RALGPS2: variants seen among roughly 807,000 people sequenced by gnomAD.
RALGPS2 encodes ras-specific guanine nucleotide-releasing factor RalGPS2.
A neutral mutation model predicts 86.8 loss-of-function variants in RALGPS2; 43 were observed. The observed-to-expected ratio is 0.50, with a 90% CI of 0.39 to 0.64. The LOEUF (loss-of-function observed/expected upper bound fraction) is 0.64. Among genes scored for constraint, RALGPS2 ranks in the 30% least tolerant of loss-of-function variants. The pLI, the probability that RALGPS2 is intolerant of heterozygous loss-of-function variation, is 0.00. For synonymous variants in RALGPS2, 243 were observed against 231.3 expected, an observed-to-expected ratio of 1.05 and a Z score of -0.46; for missense variants, 536 against 694.6, an observed-to-expected ratio of 0.77 and a Z score of 2.57.
intron 1 of RALGPS2, among the ~76,000 whole-genome samples, chr1:178,737,221 A>T (rs1228063154): frequency 6.6e-6 from 1 of 152,156 alleles, no homozygotes; most frequent in Non-Finnish European, 1.5e-5. Context: ...CTAAGAATTG[A>T]TGAAATACAT....
intron 1 of RALGPS2, among the ~76,000 whole-genome samples, chr1:178,729,097 G>GA (rs1390038458): frequency 1.3e-4 from 20 of 152,114 alleles, no homozygotes; most frequent in Admixed American, 1.2e-3. Context: ...TGAAAGACTT[G>GA]AATCTCTCAT....
rs144307084 is a variant in RALGPS2, at chr1:178,903,170, A to G, written c.1630+959A>G. Among the ~76,000 whole-genome samples the G allele has an allele frequency of 6.0e-3, 919 of 152,260 alleles. 10 individuals are homozygous for G. The highest frequency in any genetic ancestry group is 0.021 in the African/African-American group (875 of 41,568). On this transcript the variant is annotated intron_variant, in intron 18 of 19. Coordinates refer to ENST00000367635, the MANE Select transcript of RALGPS2 (RefSeq NM_152663.5). The stretch of plus-strand genomic sequence containing the variant: ...TACTATGTTACCTTTTATTGACTTC[A>G]CAACTATATTTTGACCTCTGTTTAT...
At chr1:178,845,758 T>C (rs1656837519) in intron 8 of RALGPS2, among the ~76,000 whole-genome samples, 1 of 152,216 alleles carries the variant, frequency 6.6e-6, no homozygotes, top group Admixed American at 6.5e-5. Context: ...CTGTGCTTGG[T>C]GCTAAATATA....
intron 1 of RALGPS2, among the ~76,000 whole-genome samples, chr1:178,735,244 AAG>A (rs1202886386): frequency 2.0e-5 from 3 of 152,140 alleles, no homozygotes; most frequent in Non-Finnish European, 4.4e-5. Context: ...CCAGACACAA[AAG>A]AGTACGTACT....
At chr1:178,730,972 A>G (rs1166342798) in intron 1 of RALGPS2, among the ~76,000 whole-genome samples, 1 of 152,176 alleles carries the variant, frequency 6.6e-6, no homozygotes. Flanking sequence ...TGCTGGGATT[A>G]TAGGCGTGAG....
intron 1 of RALGPS2, among the ~76,000 whole-genome samples, chr1:178,731,894 G>A (rs1164543692): frequency 1.3e-5 from 2 of 152,082 alleles, no homozygotes; most frequent in African/African-American, 2.4e-5. Context: ...ACTCAGCTTT[G>A]CTGTTGTCTA....
At chr1:178,760,979 C>A (rs977866730) in intron 1 of RALGPS2, among the ~76,000 whole-genome samples, 5 of 138,096 alleles carry the variant, frequency 3.6e-5, no homozygotes, top group African/African-American at 1.3e-4. Flanking sequence ...AGACTTTATT[C>A]TTTTTTTTTT....
At chr1:178,849,135 T>C (rs1385815822) in intron 8 of RALGPS2, among the ~76,000 whole-genome samples, 1 of 152,234 alleles carries the variant, frequency 6.6e-6, no homozygotes, top group African/African-American at 2.4e-5. Context: ...GATATTCTTA[T>C]TATACCCCAT....
chr1:178,892,606 G>C (rs1336236263), intron 15 of RALGPS2, among the ~76,000 whole-genome samples: 8 of 151,974 alleles, frequency 5.3e-5, no homozygotes, highest in Admixed American at 5.3e-4. Flanking sequence ...GTTTTTGAAT[G>C]AACAATATAA....
intron 4 of RALGPS2, among the ~76,000 whole-genome samples, chr1:178,804,435 A>C (rs1314878245): frequency 9.0e-5 from 7 of 77,982 alleles, no homozygotes; most frequent in South Asian, 5.1e-4. Flanking sequence ...CCCTCCCCCC[A>C]CCCCACAACA....
chr1:178,890,738 T>A (rs1305875239), intron 14 of RALGPS2, among the ~76,000 whole-genome samples: 1 of 152,014 alleles, frequency 6.6e-6, no homozygotes, highest in Non-Finnish European at 1.5e-5. Flanking sequence ...GTACTTTTGA[T>A]CCTTTCTACT....
intron 1 of RALGPS2, among the ~76,000 whole-genome samples, chr1:178,746,275 G>A (rs1349970702): frequency 1.3e-5 from 2 of 152,146 alleles, no homozygotes; most frequent in Non-Finnish European, 2.9e-5. Flanking sequence ...CAAAATATTT[G>A]ATAGATACCT....
chr1:178,786,096 C>G (rs1488858103), intron 4 of RALGPS2, among the ~76,000 whole-genome samples: 1 of 152,056 alleles, frequency 6.6e-6, no homozygotes, highest in Non-Finnish European at 1.5e-5. Context: ...AGGTCTTTAT[C>G]CTCATTAGCC....
At chr1:178,786,236 A>C (rs1184909572) in intron 4 of RALGPS2, among the ~76,000 whole-genome samples, 1 of 151,974 alleles carries the variant, frequency 6.6e-6, no homozygotes, top group African/African-American at 2.4e-5. Flanking sequence ...AATCATTTTG[A>C]TTGATTTGGC....
At chr1:178,764,480 C>T (rs566644166) in intron 1 of RALGPS2, among the ~76,000 whole-genome samples, 2 of 152,176 alleles carry the variant, frequency 1.3e-5, no homozygotes, top group African/African-American at 2.4e-5. Flanking sequence ...GTAAGTATTG[C>T]GATGTGTGGA....
At chr1:178,865,957 T>C (rs1405510801) in intron 8 of RALGPS2, among the ~76,000 whole-genome samples, 4 of 152,202 alleles carry the variant, frequency 2.6e-5, no homozygotes, top group African/African-American at 7.2e-5. Context: ...ATTTCTTAAA[T>C]TTAATATTAA....
intron 19 of RALGPS2, among the ~76,000 whole-genome samples, chr1:178,913,157 C>CTG (rs1361017044): frequency 2.0e-5 from 3 of 152,070 alleles, no homozygotes; most frequent in African/African-American, 7.2e-5. Flanking sequence ...TGGTGCATAC[C>CTG]TGTAGTCCCA....
intron 17 of RALGPS2, among the ~76,000 whole-genome samples, chr1:178,900,436 A>G (rs1211719025): frequency 6.6e-6 from 1 of 151,872 alleles, no homozygotes; most frequent in African/African-American, 2.4e-5. Context: ...ATATGGGGAA[A>G]CAGACTGTCA....
chr1:178,899,776 G>A (rs747551876), intron 17 of RALGPS2, among the ~76,000 whole-genome samples: 1 of 151,702 alleles, frequency 6.6e-6, no homozygotes, highest in Non-Finnish European at 1.5e-5. Context: ...GGCAGGTGGA[G>A]TAAGGGCAGG....
Sources: allele counts gnomAD v4.1 joint callset (sites outside exome capture counted in the v4.1 genomes callset), GRCh38; gene constraint gnomAD v4.1.1; transcripts MANE v1.5; gene names NCBI Gene and HGNC (gene_info 2026-07-23, HGNC 2026-07-21).